ZNF892: variants seen among roughly 807,000 people sequenced by gnomAD.
The protein encoded by ZNF892 is zinc finger protein 570-like.
chr2:95,252,924 G>A, the ZNF892 span, among the ~76,000 whole-genome samples: 1 of 152,152 alleles, frequency 6.6e-6, no homozygotes, highest in Non-Finnish European at 1.5e-5. Context: ...CCCACTTGTT[G>A]ATGGGGTTGT....
At chr2:95,256,376 C>A in the ZNF892 span, among the ~76,000 whole-genome samples, 1 of 152,194 alleles carries the variant, frequency 6.6e-6, no homozygotes, top group Non-Finnish European at 1.5e-5. Context: ...AAATTCTTTT[C>A]TTTAAGAATG....
the ZNF892 span, among the ~76,000 whole-genome samples, chr2:95,235,653 G>A: frequency 1.3e-5 from 2 of 152,178 alleles, no homozygotes; most frequent in Non-Finnish European, 2.9e-5. Flanking sequence ...GAGCCACCAC[G>A]CCCGGCCCCA....
the ZNF892 span, among the ~76,000 whole-genome samples, chr2:95,236,335 A>C: frequency 1.3e-5 from 2 of 152,256 alleles, no homozygotes; most frequent in African/African-American, 4.8e-5. Flanking sequence ...ACAAAGGTAT[A>C]ATTTACCAGA....
the ZNF892 span, among the ~76,000 whole-genome samples, chr2:95,255,409 T>C: frequency 6.6e-6 from 1 of 152,264 alleles, no homozygotes; most frequent in Non-Finnish European, 1.5e-5. Context: ...TTATTAATCC[T>C]GACTTCTAGT....
chr2:95,212,304 A>G, the ZNF892 span: 1 of 398,502 alleles, frequency 2.5e-6, no homozygotes, highest in African/African-American at 2.1e-5. Context: ...AAACAGTGCA[A>G]GTAAAACCCA....
At chr2:95,233,672 C>CAAAAAAAA in the ZNF892 span, among the ~76,000 whole-genome samples, 1 of 35,170 alleles carries the variant, frequency 2.8e-5, no homozygotes, top group Admixed American at 4.7e-4. Context: ...GACTCCATCT[C>CAAAAAAAA]AAAAAAAAAA....
At chr2:95,238,706 AGAG>A in the ZNF892 span, among the ~76,000 whole-genome samples, 3 of 152,226 alleles carry the variant, frequency 2.0e-5, no homozygotes, top group Non-Finnish European at 2.9e-5. Context: ...GTGATTCATG[AGAG>A]GAGATCAAAT....
At chr2:95,254,753 TTCAGA>T in the ZNF892 span, among the ~76,000 whole-genome samples, 1 of 152,328 alleles carries the variant, frequency 6.6e-6, no homozygotes, top group Middle Eastern at 3.4e-3. Context: ...TTGCCTCAAT[TTCAGA>T]GCCTGTTGTT....
chr2:95,230,805 A>C, the ZNF892 span, among the ~76,000 whole-genome samples: 2 of 152,212 alleles, frequency 1.3e-5, no homozygotes, highest in Non-Finnish European at 2.9e-5. Flanking sequence ...TTATGTTTTC[A>C]TGAGCTGATT....
the ZNF892 span, among the ~76,000 whole-genome samples, chr2:95,241,626 C>G: frequency 6.6e-6 from 1 of 152,108 alleles, no homozygotes; most frequent in African/African-American, 2.4e-5. Context: ...AGCAAGGGCA[C>G]AGAATTGGGC....
At chr2:95,208,600 T>A in the ZNF892 span, 2 of 398,534 alleles carry the variant, frequency 5.0e-6, no homozygotes, top group Admixed American at 8.8e-5. Context: ...TCCTGCTAGT[T>A]TATTGCAAGG....
the ZNF892 span, chr2:95,211,625 T>A: frequency 2.5e-6 from 1 of 398,612 alleles, no homozygotes; most frequent in East Asian, 3.6e-5. Context: ...CAGGAATTGA[T>A]GATCAGGGAT....
chr2:95,219,514 G>T, the ZNF892 span, among the ~76,000 whole-genome samples: 1 of 152,116 alleles, frequency 6.6e-6, no homozygotes, highest in African/African-American at 2.4e-5. Context: ...GCATTTTTGT[G>T]ATGGCTGCTT....
At chr2:95,248,911 C>T in the ZNF892 span, among the ~76,000 whole-genome samples, 1 of 151,888 alleles carries the variant, frequency 6.6e-6, no homozygotes, top group Non-Finnish European at 1.5e-5. Context: ...TTTTTAAAAT[C>T]AAAAACACAT....
chr2:95,252,107 T>A, the ZNF892 span, among the ~76,000 whole-genome samples: 2 of 152,172 alleles, frequency 1.3e-5, no homozygotes, highest in Non-Finnish European at 2.9e-5. Flanking sequence ...TATTATACTT[T>A]AAGTTTTAGG....
the ZNF892 span, among the ~76,000 whole-genome samples, chr2:95,208,403 A>G: frequency 6.6e-6 from 1 of 152,248 alleles, no homozygotes; most frequent in Non-Finnish European, 1.5e-5. Context: ...AGCACATGCA[A>G]TATAAAAATA....
the ZNF892 span, among the ~76,000 whole-genome samples, chr2:95,213,075 T>G: frequency 1.3e-5 from 2 of 152,244 alleles, no homozygotes; most frequent in Admixed American, 6.5e-5. Flanking sequence ...TACTGCTAGA[T>G]TCCCCATTGA....
the ZNF892 span, chr2:95,212,178 T>C: frequency 2.5e-6 from 1 of 398,356 alleles, no homozygotes; most frequent in Non-Finnish European, 4.4e-6. Context: ...CTCCTTTTTC[T>C]TTCCCTATGA....
chr2:95,232,174 T>G, the ZNF892 span: 1 of 152,136 alleles, frequency 6.6e-6, no homozygotes, highest in Non-Finnish European at 1.5e-5. Context: ...GGAAATGATT[T>G]CCCTCCACAG....
Sources: allele counts gnomAD v4.1 joint callset (sites outside exome capture counted in the v4.1 genomes callset), GRCh38; gene constraint gnomAD v4.1.1; transcripts MANE v1.5; gene names NCBI Gene and HGNC (gene_info 2026-07-23, HGNC 2026-07-21).